The following SWAP70 variants were observed in gnomAD, a reference collection of about 807,000 sequenced individuals.
SWAP70 encodes the protein switch-associated protein 70.
SWAP70 carries 34 observed loss-of-function variants against 80.2 expected under a neutral mutation model. That is an observed-to-expected ratio of 0.42 (90% CI 0.32 to 0.56). The LOEUF (loss-of-function observed/expected upper bound fraction) is 0.56, where lower values mean the gene tolerates loss of function less well. Ranked by LOEUF, SWAP70 falls within the 20% of genes least tolerant of loss-of-function variation. SWAP70 has a pLI of 0.09. For missense variants in SWAP70, 578 were observed against 690.7 expected, an observed-to-expected ratio of 0.84 and a Z score of 1.83; for synonymous variants, 239 against 238.5, an observed-to-expected ratio of 1.00 and a Z score of -0.02.
intron 9 of SWAP70, 77 bp downstream of exon 9, chr11:9,740,424 C>A: frequency 7.0e-7 from 1 of 1,427,458 alleles, no homozygotes; most frequent in Non-Finnish European, 9.9e-7. Context: ...GACTAACACT[C>A]TGGTGGAGAG....
Position 9,748,050 on chromosome 11 carries a change from G to A in SWAP70, c.1548G>A (p.Gln516=), listed in dbSNP as rs777109590. The A allele has an allele frequency of 6.2e-7, 1 of 1,613,940 alleles. No homozygotes were observed. The highest frequency in any genetic ancestry group is 2.2e-5 in the East Asian group (1 of 44,886). The change falls in exon 10 of 12, where the codon CAG becomes CAA. Residue 516 remains glutamine (Q), a synonymous_variant. Coordinates refer to ENST00000318950, the MANE Select transcript of SWAP70 (RefSeq NM_015055.4). ...TAGAACGGAAGCAAGCACTTGAGCAGTACGAGGTAATGAGACTTGGCCCTG... is the reference window on the plus strand; with the variant it reads ...TAGAACGGAAGCAAGCACTTGAGCAATACGAGGTAATGAGACTTGGCCCTG... ...LELERKQALE[Q]YEEVKKKLEM...
At chr11:9,679,978 T>A (rs1020879909) in intron 1 of SWAP70, among the ~76,000 whole-genome samples, 2 of 152,214 alleles carry the variant, frequency 1.3e-5, no homozygotes, top group Non-Finnish European at 2.9e-5. Flanking sequence ...CTGCTTTTTA[T>A]ATTTTAAGAT....
At chr11:9,664,671 G>C (rs931238176) in intron 1 of SWAP70, among the ~76,000 whole-genome samples, 1 of 152,234 alleles carries the variant, frequency 6.6e-6, no homozygotes, top group African/African-American at 2.4e-5. Context: ...TCTTACTCCA[G>C]GAGAGGAAGG....
At chr11:9,725,666 G>T (rs1477800520) in intron 4 of SWAP70, among the ~76,000 whole-genome samples, 12 of 147,934 alleles carry the variant, frequency 8.1e-5, no homozygotes, top group Non-Finnish European at 1.3e-4. Flanking sequence ...CCGCCTCCCG[G>T]GTTCAAACAA....
chr11:9,669,190 G>C (rs1176384628), intron 1 of SWAP70, among the ~76,000 whole-genome samples: 1 of 152,192 alleles, frequency 6.6e-6, no homozygotes, highest in African/African-American at 2.4e-5. Flanking sequence ...AACTCCGAAG[G>C]AAGTTAGGAT....
Position 9,664,094 on chromosome 11 carries a change from G to C in SWAP70, c.-86G>C, listed in dbSNP as rs1393740376. 7.6e-7 allele frequency: 1 copy of C among 1,308,070 alleles called. No individual in the cohort carries two copies. Among genetic ancestry groups the C allele is most frequent in the African/African-American group, 1.5e-5 (1 of 65,042 alleles). The allele number at this position is 1,308,070 out of a possible 1,614,324, so 81.0% of individuals were successfully genotyped here. On this transcript the variant is annotated 5_prime_UTR_variant, in exon 1 of 12. Coordinates refer to ENST00000318950, the MANE Select transcript of SWAP70 (RefSeq NM_015055.4). ...GGCGGGTCAGGTGACTGCGCGGCGGGCTGTGGCTGCGGAGGTTGAGGGGCG... is the reference window on the plus strand; with the variant it reads ...GGCGGGTCAGGTGACTGCGCGGCGGCCTGTGGCTGCGGAGGTTGAGGGGCG...
intron 3 of SWAP70, among the ~76,000 whole-genome samples, chr11:9,716,091 T>A (rs1335802582): frequency 1.3e-5 from 2 of 152,214 alleles, no homozygotes; most frequent in Non-Finnish European, 2.9e-5. Flanking sequence ...ACATGTCCTT[T>A]CTTACTGGAA....
In SWAP70 at chr11:9,713,524, A is replaced by G. The variant is rs1483538419; in HGVS notation, c.299A>G (p.Lys100Arg). The G allele has an allele frequency of 4.3e-6, 7 of 1,613,894 alleles. No homozygotes were observed. The highest frequency in any genetic ancestry group is 5.9e-6 in the Non-Finnish European group (7 of 1,179,946). ...AGGATGTGTTGGACCCTCTGTGTCA[A>G]AAAAAACCTCACAAAGAATCCCCTG... ...FNRMCWTLCV[K>R]KNLTKNPLLI... The change falls in exon 3 of 12, where the codon AAA becomes AGA. Residue 100 changes from lysine to arginine, a missense_variant. Coordinates refer to ENST00000318950, the MANE Select transcript of SWAP70 (RefSeq NM_015055.4).
At chr11:9,676,729 A>G (rs1304422759) in intron 1 of SWAP70, among the ~76,000 whole-genome samples, 1 of 149,030 alleles carries the variant, frequency 6.7e-6, no homozygotes, top group South Asian at 2.1e-4. Context: ...GGCTTACTGC[A>G]AGCTCCGCCT....
At chr11:9,664,421 T>C in intron 1 of SWAP70, 143 bp downstream of exon 1, 1 of 885,172 alleles carries the variant, frequency 1.1e-6, no homozygotes, top group South Asian at 1.8e-5. Flanking sequence ...TGGGGCGGAG[T>C]GGGTCTGAGA....
chr11:9,699,236 C>T (rs1032727586), intron 2 of SWAP70, among the ~76,000 whole-genome samples: 3 of 151,880 alleles, frequency 2.0e-5, no homozygotes, highest in African/African-American at 7.3e-5. Flanking sequence ...TAGAATTAAC[C>T]AGTGATAAAG....
intron 7 of SWAP70, among the ~76,000 whole-genome samples, chr11:9,733,844 A>T (rs891395297): frequency 2.0e-5 from 3 of 152,202 alleles, no homozygotes; most frequent in Non-Finnish European, 4.4e-5. Flanking sequence ...TAATTTTAAA[A>T]TTATAAAATA....
At chr11:9,724,150 A>T (rs969498959) in intron 3 of SWAP70, among the ~76,000 whole-genome samples, 11 of 152,224 alleles carry the variant, frequency 7.2e-5, no homozygotes, top group African/African-American at 1.7e-4. Flanking sequence ...TTTCCTGCTC[A>T]TGCTAGGTAT....
intron 1 of SWAP70, among the ~76,000 whole-genome samples, chr11:9,677,227 T>G (rs1302999972): frequency 6.6e-6 from 1 of 152,118 alleles, no homozygotes; most frequent in Non-Finnish European, 1.5e-5. Flanking sequence ...CAATAATTAT[T>G]TCTCTTCTAC....
intron 1 of SWAP70, among the ~76,000 whole-genome samples, chr11:9,681,928 G>C (rs920244634): frequency 6.6e-6 from 1 of 152,202 alleles, no homozygotes; most frequent in Non-Finnish European, 1.5e-5. Flanking sequence ...GAGAGAGAGA[G>C]GAGTTGGGGA....
intron 7 of SWAP70, among the ~76,000 whole-genome samples, chr11:9,737,931 C>T (rs1469241323): frequency 6.6e-6 from 1 of 152,188 alleles, no homozygotes; most frequent in Non-Finnish European, 1.5e-5. Context: ...CTCATGAATG[C>T]AATCCCAAGT....
chr11:9,668,153 C>T (rs1166757911), intron 1 of SWAP70, among the ~76,000 whole-genome samples: 7 of 152,176 alleles, frequency 4.6e-5, no homozygotes, highest in Non-Finnish European at 7.3e-5. Flanking sequence ...CCTCCCAAAG[C>T]ATTGGGATTA....
chr11:9,696,084 A>T (rs1350963121), intron 2 of SWAP70, among the ~76,000 whole-genome samples: 2 of 152,180 alleles, frequency 1.3e-5, no homozygotes, highest in Non-Finnish European at 2.9e-5. Context: ...TCTTTACTGT[A>T]TAGATATTAT....
chr11:9,719,792 A>G (rs1363844969), intron 3 of SWAP70, among the ~76,000 whole-genome samples: 1 of 152,220 alleles, frequency 6.6e-6, no homozygotes, highest in Admixed American at 6.5e-5. Context: ...ACAAAACAGG[A>G]TGTGTCTCTT....
Sources: allele counts gnomAD v4.1 joint callset (sites outside exome capture counted in the v4.1 genomes callset), GRCh38; gene constraint gnomAD v4.1.1; transcripts MANE v1.5; gene names NCBI Gene and HGNC (gene_info 2026-07-23, HGNC 2026-07-21).